Variants in CD96 observed in about 807,000 individuals in gnomAD.
CD96 encodes CD96 molecule.
CD96 carries 70 observed loss-of-function variants against 71.3 expected under a neutral mutation model. The ratio of observed to expected loss-of-function variants is 0.98; its 90% CI spans 0.81 to 1.20. CD96 has a LOEUF of 1.20. CD96 is among the 50% of genes most tolerant of loss of function. The probability of loss-of-function intolerance (pLI) is 0.00; values close to 1 mark genes in which losing one functional copy is unlikely to be tolerated. For missense variants in CD96, 742 were observed against 677.5 expected (o/e 1.10, Z -1.06); for synonymous variants, 248 against 233.0 (o/e 1.06, Z -0.59).
intron 2 of CD96, among the ~76,000 whole-genome samples, chr3:111,545,971 T>G (rs1934376032): frequency 6.6e-6 from 1 of 150,630 alleles, no homozygotes; most frequent in Admixed American, 6.7e-5. Context: ...TGGCATGACA[T>G]TTATAGGCTG....
intron 4 of CD96, among the ~76,000 whole-genome samples, chr3:111,581,189 A>G (rs1936447178): frequency 6.6e-6 from 1 of 152,140 alleles, no homozygotes; most frequent in Non-Finnish European, 1.5e-5. Context: ...TAAAAATATG[A>G]AACCCTGCCT....
chr3:111,628,865 A>G (rs1260101214), intron 10 of CD96, among the ~76,000 whole-genome samples: 2 of 152,222 alleles, frequency 1.3e-5, no homozygotes, highest in African/African-American at 2.4e-5. Context: ...TACATTCAAC[A>G]TACATAAAAA....
At chr3:111,640,101 G>T (rs185443992) in intron 12 of CD96, among the ~76,000 whole-genome samples, 16 of 152,198 alleles carry the variant, frequency 1.1e-4, no homozygotes, top group Non-Finnish European at 1.9e-4. Flanking sequence ...AATCATCCTA[G>T]TTCACCAGCA....
chr3:111,628,952 C>G (rs566000946), intron 10 of CD96, among the ~76,000 whole-genome samples: 1 of 152,246 alleles, frequency 6.6e-6, no homozygotes, highest in South Asian at 2.1e-4. Context: ...CCTTTTCAGA[C>G]AAGCAAATGC....
At chr3:111,546,226 G>A (rs1934389720) in intron 2 of CD96, among the ~76,000 whole-genome samples, 1 of 152,140 alleles carries the variant, frequency 6.6e-6, no homozygotes. Context: ...AGAGAAAGAA[G>A]TTAAAGGTGA....
chr3:111,608,379 A>G (rs1937733946), intron 8 of CD96, among the ~76,000 whole-genome samples: 1 of 152,214 alleles, frequency 6.6e-6, no homozygotes, highest in African/African-American at 2.4e-5. Flanking sequence ...GGTCCATCTT[A>G]TACTCAAGGG....
intron 8 of CD96, among the ~76,000 whole-genome samples, chr3:111,620,524 A>G (rs1938467867): frequency 6.6e-6 from 1 of 152,180 alleles, no homozygotes; most frequent in South Asian, 2.1e-4. Context: ...ACTTCTACAT[A>G]ATGAGTGAGG....
downstream of CD96, among the ~76,000 whole-genome samples, chr3:111,653,463 G>T (rs1940155482): frequency 1.3e-5 from 2 of 152,082 alleles, no homozygotes; most frequent in South Asian, 4.1e-4. Flanking sequence ...TATTTTCTTT[G>T]GTTCAGCATG....
At chr3:111,614,710 C>T (rs967213657) in intron 8 of CD96, among the ~76,000 whole-genome samples, 2 of 152,170 alleles carry the variant, frequency 1.3e-5, no homozygotes, top group Admixed American at 6.5e-5. Context: ...CAGTGTGGCC[C>T]TGTCTCTCTT....
At chr3:111,603,367 C>T (rs1195620012) in intron 7 of CD96, among the ~76,000 whole-genome samples, 1 of 151,974 alleles carries the variant, frequency 6.6e-6, no homozygotes, top group African/African-American at 2.4e-5. Context: ...ATTGCATGAG[C>T]CCAGGAGGCT....
intron 14 of CD96, among the ~76,000 whole-genome samples, chr3:111,663,037 A>G (rs530021478): frequency 3.2e-4 from 49 of 152,326 alleles, no homozygotes; most frequent in South Asian, 2.3e-3. Context: ...GCAATTCCAC[A>G]GGCTATACAG....
intron 5 of CD96, chr3:111,594,180 C>T: frequency 1.3e-6 from 2 of 1,598,526 alleles, no homozygotes; most frequent in Non-Finnish European, 1.7e-6. Context: ...CCCTCCTCTT[C>T]CTCGTCTTCC....
At chr3:111,626,873 G>A (rs902228509) in intron 10 of CD96, among the ~76,000 whole-genome samples, 5 of 152,074 alleles carry the variant, frequency 3.3e-5, no homozygotes, top group Non-Finnish European at 4.4e-5. Context: ...TTTAAAGCAA[G>A]TATAAACACC....
chr3:111,638,712 C>G (rs191458120), intron 12 of CD96, among the ~76,000 whole-genome samples: 28 of 152,324 alleles, frequency 1.8e-4, no homozygotes, highest in Non-Finnish European at 3.7e-4. Context: ...TAATCAACTT[C>G]AGGGGTGTTC....
chr3:111,614,314 C>T (rs1938112885), intron 8 of CD96, among the ~76,000 whole-genome samples: 1 of 152,020 alleles, frequency 6.6e-6, no homozygotes, highest in Non-Finnish European at 1.5e-5. Flanking sequence ...GGCTTGGGTC[C>T]CTCTTTATGG....
chr3:111,594,714 CA>C (rs1937174415), intron 5 of CD96: 3 of 167,860 alleles, frequency 1.8e-5, no homozygotes, highest in African/African-American at 7.2e-5. Context: ...TTTTCAGGAC[CA>C]ACAGAGCTAG....
chr3:111,556,794 T>C (rs1576311646), intron 2 of CD96, among the ~76,000 whole-genome samples: 1 of 152,148 alleles, frequency 6.6e-6, no homozygotes, highest in Non-Finnish European at 1.5e-5. Flanking sequence ...ACTTCCATAA[T>C]GGTGGAACTA....
intron 5 of CD96, chr3:111,593,249 T>C (rs1222011481): frequency 3.5e-6 from 1 of 285,794 alleles, no homozygotes; most frequent in Non-Finnish European, 6.4e-6. Context: ...TAAACAACGC[T>C]GACTGGCTGG....
chr3:111,644,628 A>G (rs1340249031), intron 12 of CD96, among the ~76,000 whole-genome samples: 1 of 152,072 alleles, frequency 6.6e-6, no homozygotes, highest in Non-Finnish European at 1.5e-5. Flanking sequence ...CTGACAAAGA[A>G]CTACTATCCA....
Sources: allele counts gnomAD v4.1 joint callset (sites outside exome capture counted in the v4.1 genomes callset), GRCh38; gene constraint gnomAD v4.1.1; transcripts MANE v1.5; gene names NCBI Gene and HGNC (gene_info 2026-07-23, HGNC 2026-07-21).